Variants in MPP4 observed in about 807,000 individuals in gnomAD.
MPP4 encodes the protein MAGUK p55 subfamily member 4.
In MPP4, 91 loss-of-function variants were observed where a neutral mutation model predicts 98.3. The observed-to-expected ratio is 0.93, with a 90% CI of 0.78 to 1.10. The LOEUF (loss-of-function observed/expected upper bound fraction) is 1.10, where lower values mean the gene tolerates loss of function less well. MPP4 is among the 50% of genes least tolerant of loss of function. The pLI, the probability that MPP4 is intolerant of heterozygous loss-of-function variation, is 0.00. For missense variants in MPP4, 744 were observed against 792.9 expected (o/e 0.94, Z 0.74); for synonymous variants, 261 against 271.8 (o/e 0.96, Z 0.39).
At chr2:201,672,885 G>C (rs1038832216) in intron 11 of MPP4, among the ~76,000 whole-genome samples, 1 of 152,114 alleles carries the variant, frequency 6.6e-6, no homozygotes, top group Non-Finnish European at 1.5e-5. Flanking sequence ...GCATCATCCT[G>C]ATACCATCAA....
intron 18 of MPP4, chr2:201,651,899 G>A (rs187369729): frequency 5.6e-4 from 289 of 513,138 alleles, no homozygotes; most frequent in African/African-American, 5.5e-3. Flanking sequence ...GTTGTAGTGA[G>A]CCGAGATAAC....
In MPP4 at chr2:201,693,904, CTTCATGTCCTTCTTG is replaced by C; in HGVS notation, c.36_50del (p.Asp12_Lys17delinsGlu). ...TCTGTGGATTGGTGGCTGTAGAAAG[CTTCATGTCCTTCTTG>C]TCTGGTGGATCTGCTCCTTTGTCTG... On this transcript the variant is annotated inframe_deletion, in exon 2 of 22. Transcript: ENST00000409474. 6.2e-7 allele frequency: 1 copy of C among 1,613,970 alleles called. No individual in the cohort carries two copies. The highest frequency in any genetic ancestry group is 8.5e-7 in the Non-Finnish European group (1 of 1,179,860).
intron 11 of MPP4, 103 bp from the exon 12 acceptor site, chr2:201,669,853 A>G: frequency 1.2e-6 from 1 of 855,476 alleles, no homozygotes; most frequent in Non-Finnish European, 1.6e-6. Flanking sequence ...ATGTGCAAAA[A>G]TTATTGTAAT....
intron 21 of MPP4, 110 bp from the exon 22 acceptor site, chr2:201,645,514 T>A: frequency 1.1e-6 from 1 of 891,422 alleles, no homozygotes; most frequent in Non-Finnish European, 1.6e-6. Flanking sequence ...ATAAAAACAG[T>A]AAGGTCCGAA....
chr2:201,669,115 TGTGTGTGA>T (rs1289297108), intron 12 of MPP4, among the ~76,000 whole-genome samples: 54 of 93,938 alleles, frequency 5.7e-4, no homozygotes, highest in Middle Eastern at 0.011. Context: ...TGTGTGTGTG[TGTGTGTGA>T]GAGAGAGAGA....
intron 10 of MPP4, chr2:201,680,283 G>A (rs1249048348): frequency 1.3e-5 from 2 of 153,352 alleles, no homozygotes; most frequent in Admixed American, 6.5e-5. Flanking sequence ...ACAAACAACA[G>A]AGATGTATTT....
Position 201,657,816 on chromosome 2 carries a change from G to A in MPP4, c.1129+661C>T, listed in dbSNP as rs143094513. On this transcript the variant is annotated intron_variant, in intron 16 of 21. Coordinates refer to ENST00000409474, the MANE Select transcript of MPP4 (RefSeq NM_033066.3). ...TGACAATTGGCACCAGGCTACCATT[G>A]TCCCCTGCACAGATGCCTTCTTCAC... Among the ~76,000 whole-genome samples, 35 of 151,888 alleles carry A rather than the reference G, an allele frequency of 2.3e-4. No individual in the cohort carries two copies. The East Asian group carries it at 6.4e-3, about 28-fold the overall frequency.
rs1412040182 is a variant in MPP4, at chr2:201,692,918, G to C, written c.191C>G (p.Ala64Gly). ...YDLLHSPWLQ[A>G]LLKIYDCLQE... ...CAAAGAAGCACTCACCTTTAGCAGA[G>C]CCTGAAGCCACGGCGAGTGGAGGAG... Residue 64 changes from alanine (A) to glycine (G), a missense_variant, in exon 3 of 22, where the codon GCT (alanine) becomes GGT (glycine). Transcript: ENST00000409474. 1.2e-6 allele frequency: 2 copies of C among 1,608,310 alleles called. No individual in the cohort carries two copies. Among genetic ancestry groups the C allele is most frequent in the Non-Finnish European group, 1.7e-6 (2 of 1,177,502 alleles).
intron 10 of MPP4, among the ~76,000 whole-genome samples, chr2:201,679,322 C>T (rs1271970996): frequency 6.6e-6 from 1 of 152,144 alleles, no homozygotes; most frequent in African/African-American, 2.4e-5. Flanking sequence ...TGACCTTTAA[C>T]TTAAGAGGGC....
intron 1 of MPP4, among the ~76,000 whole-genome samples, chr2:201,697,136 C>T (rs764181041): frequency 7.2e-5 from 11 of 152,144 alleles, no homozygotes; most frequent in Non-Finnish European, 1.5e-4. Flanking sequence ...ACAGTGAAAA[C>T]GCGGCCATCT....
intron 21 of MPP4, 118 bp from the exon 22 acceptor site, chr2:201,645,522 G>A (rs571701878): frequency 1.3e-5 from 10 of 757,018 alleles, no homozygotes; most frequent in African/African-American, 5.4e-5. Flanking sequence ...AGTAAGGTCC[G>A]AAAATTTTGC....
In MPP4 at chr2:201,685,924, G is replaced by T. The variant is rs1282054980; in HGVS notation, c.487C>A (p.Pro163Thr). 4 of 1,610,814 alleles carry T rather than the reference G, an allele frequency of 2.5e-6. No individual in the cohort carries two copies. The highest frequency in any genetic ancestry group is 2.2e-5 in the South Asian group (2 of 90,982). Reference protein sequence around the residue: ...RIVCLVKNQQPLGATIKRHEM... With the variant: ...RIVCLVKNQQTLGATIKRHEM... ...ATAAAAAATGATTTCCTTACCAGGG[G>T]CTGTTGGTTTTTCACTAAACAAACA... The change falls in exon 6 of 22, where the codon CCC becomes ACC. Residue 163 changes from proline to threonine, a missense_variant. Physicochemically the swap from Pro to Thr is conservative, Grantham distance 38. Transcript: ENST00000409474.
At chr2:201,665,442 A>G (rs1416652850) in intron 13 of MPP4, 1 of 152,186 alleles carries the variant, frequency 6.6e-6, no homozygotes, top group East Asian at 1.9e-4. Flanking sequence ...TATTGCCCCA[A>G]GAAAGAAAAA....
At chr2:201,678,368 G>A (rs771747122) in intron 10 of MPP4, among the ~76,000 whole-genome samples, 14 of 151,890 alleles carry the variant, frequency 9.2e-5, no homozygotes, top group East Asian at 1.9e-4. Context: ...ACCCACCCAC[G>A]CCCTCTGGAA....
At chr2:201,664,399 AGGGG>A in intron 13 of MPP4, 76 of 1,300,932 alleles carry the variant, frequency 5.8e-5, no homozygotes, top group Non-Finnish European at 7.4e-5. Flanking sequence ...CTCAGAGGGA[AGGGG>A]AAAGTGGAAT....
At chr2:201,650,567 C>G in intron 18 of MPP4, 1 of 985,432 alleles carries the variant, frequency 1.0e-6, no homozygotes, top group Non-Finnish European at 1.2e-6. Context: ...CTTCCACACT[C>G]TTACCTTAGG....
At chr2:201,693,812 T>C in intron 2 of MPP4, 64 bp downstream of exon 2, 1 of 1,583,964 alleles carries the variant, frequency 6.3e-7, no homozygotes, top group Non-Finnish European at 8.7e-7. Flanking sequence ...TGCCTATTCA[T>C]TTGATCACAT....
Position 201,644,875 on chromosome 2 carries a change from A to C in MPP4, c.*335T>G. ...ACACGTTTCATAGAGTACAGTTTCT[A>C]AAGTTAACTATTGCTTATTTTATTT... On this transcript the variant is annotated 3_prime_UTR_variant, in exon 22 of 22. Coordinates refer to ENST00000409474, the MANE Select transcript of MPP4 (RefSeq NM_033066.3). The C allele has an allele frequency of 5.8e-6, 1 of 172,012 alleles. No homozygotes were observed. Among genetic ancestry groups the C allele is most frequent in the Non-Finnish European group, 1.2e-5 (1 of 81,958 alleles). 10.7% of individuals were successfully genotyped at this position (172,012 alleles called of 1,614,324 possible).
chr2:201,651,248 A>G (rs1217911163), intron 18 of MPP4: 1 of 985,310 alleles, frequency 1.0e-6, no homozygotes, highest in East Asian at 1.1e-4. Context: ...GGAGTTACCA[A>G]CCTTCAAGGG....
Sources: gnomAD v4.1 joint callset for allele counts (sites outside exome capture counted in the v4.1 genomes callset) on GRCh38, gnomAD v4.1.1 for gene constraint, MANE v1.5 for transcripts, NCBI Gene and HGNC (gene_info 2026-07-23, HGNC 2026-07-21) for gene names.